Variants in PLXNA2 observed in about 807,000 individuals in gnomAD.
PLXNA2 encodes plexin A2.
In PLXNA2, 91 loss-of-function variants were observed where a neutral mutation model predicts 193.5. The observed-to-expected ratio is 0.47, with a 90% CI of 0.40 to 0.56. The LOEUF is 0.56. Ranked by LOEUF, PLXNA2 falls within the 20% of genes least tolerant of loss-of-function variation. The pLI is 0.00. For missense variants in PLXNA2, 1,995 were observed against 2,503.2 expected (o/e 0.80, Z 4.33); for synonymous variants, 997 against 1,027.3 (o/e 0.97, Z 0.56).
intron 13 of PLXNA2, among the ~76,000 whole-genome samples, chr1:208,055,028 A>G (rs1665381582): frequency 6.6e-6 from 1 of 152,144 alleles, no homozygotes; most frequent in Admixed American, 6.5e-5. Context: ...GTGAGTTTTA[A>G]AAAGGGGAGA....
intron 3 of PLXNA2, among the ~76,000 whole-genome samples, chr1:208,178,876 C>G (rs1380282452): frequency 6.6e-6 from 1 of 152,224 alleles, no homozygotes; most frequent in Non-Finnish European, 1.5e-5. Context: ...ACCCAGTGAT[C>G]TGTATTTTAA....
intron 4 of PLXNA2, among the ~76,000 whole-genome samples, chr1:208,120,037 G>T (rs1667756086): frequency 6.6e-6 from 1 of 152,200 alleles, no homozygotes; most frequent in African/African-American, 2.4e-5. Context: ...TTGGGGACAG[G>T]GGTCACTGGC....
At chr1:208,161,638 C>G (rs970112280) in intron 3 of PLXNA2, among the ~76,000 whole-genome samples, 2 of 152,172 alleles carry the variant, frequency 1.3e-5, no homozygotes, top group Non-Finnish European at 2.9e-5. Flanking sequence ...TTTAGCCTCT[C>G]TGAGCCTCAG....
intron 3 of PLXNA2, among the ~76,000 whole-genome samples, chr1:208,194,225 C>T (rs1258993361): frequency 6.6e-6 from 1 of 151,820 alleles, no homozygotes; most frequent in East Asian, 1.9e-4. Flanking sequence ...TCCAAGTTCA[C>T]AGTGATGGGA....
intron 26 of PLXNA2, among the ~76,000 whole-genome samples, chr1:208,035,929 G>GT (rs1051197226): frequency 1.1e-4 from 17 of 152,198 alleles, no homozygotes; most frequent in Admixed American, 2.0e-4. Context: ...AGCCTGGGAA[G>GT]TTTTTTAACA....
At chr1:208,114,664 A>C (rs1667583850) in intron 4 of PLXNA2, among the ~76,000 whole-genome samples, 1 of 152,232 alleles carries the variant, frequency 6.6e-6, no homozygotes, top group South Asian at 2.1e-4. Context: ...CTAACCATCC[A>C]AAACTTGGGC....
chr1:208,075,249 G>A (rs1394676770), intron 12 of PLXNA2, among the ~76,000 whole-genome samples: 1 of 151,868 alleles, frequency 6.6e-6, no homozygotes, highest in East Asian at 1.9e-4. Flanking sequence ...GGCGGGGGTT[G>A]TAGTGAGCCA....
chr1:208,128,126 A>G (rs147683517), intron 4 of PLXNA2, among the ~76,000 whole-genome samples: 68 of 152,296 alleles, frequency 4.5e-4, no homozygotes, highest in Middle Eastern at 6.8e-3. Context: ...AAAGGTCACA[A>G]TGATTTTTCC....
intron 2 of PLXNA2, among the ~76,000 whole-genome samples, chr1:208,213,815 AG>A (rs1178062785): frequency 2.6e-5 from 4 of 152,202 alleles, no homozygotes. Context: ...GTGGTGCTGA[AG>A]GGGTGGAGGC....
intron 22 of PLXNA2, 94 bp from the exon 23 acceptor site, chr1:208,040,152 GGAGC>G (rs1664819940): frequency 2.0e-6 from 2 of 979,164 alleles, no homozygotes; most frequent in African/African-American, 3.2e-5. Context: ...AGAGAACAAT[GGAGC>G]ATGGGAGAAC....
chr1:208,110,874 C>G (rs942397900), intron 4 of PLXNA2, among the ~76,000 whole-genome samples: 38 of 152,182 alleles, frequency 2.5e-4, no homozygotes, highest in African/African-American at 8.9e-4. Flanking sequence ...GCTTCCTAGT[C>G]AAGCTGCTGG....
chr1:208,161,422 C>T (rs1669101613), intron 3 of PLXNA2, among the ~76,000 whole-genome samples: 1 of 152,238 alleles, frequency 6.6e-6, no homozygotes, highest in African/African-American at 2.4e-5. Flanking sequence ...ATGAAGCTCC[C>T]TCCAGCCTCT....
chr1:208,107,880 G>A (rs1667325170), intron 4 of PLXNA2, among the ~76,000 whole-genome samples: 1 of 152,042 alleles, frequency 6.6e-6, no homozygotes, highest in Non-Finnish European at 1.5e-5. Context: ...GACCCGCAGT[G>A]CTGCTTCAAA....
chr1:208,174,692 C>T (rs1669607013), intron 3 of PLXNA2, among the ~76,000 whole-genome samples: 1 of 152,168 alleles, frequency 6.6e-6, no homozygotes, highest in South Asian at 2.1e-4. Flanking sequence ...CACTTCTGCT[C>T]AAGGCTCAGC....
At chr1:208,121,360 T>C (rs1298728815) in intron 4 of PLXNA2, among the ~76,000 whole-genome samples, 1 of 152,140 alleles carries the variant, frequency 6.6e-6, no homozygotes, top group Non-Finnish European at 1.5e-5. Flanking sequence ...AGGTTTCCAC[T>C]CAAGAATTCT....
At position 208,038,681 on chromosome 1, in the gene PLXNA2, G is replaced by A; in HGVS notation, c.4660+144C>T. 3 of 903,022 alleles carry A rather than the reference G, an allele frequency of 3.3e-6. No homozygotes were observed. Among genetic ancestry groups the A allele is most frequent in the Non-Finnish European group, 5.2e-6 (3 of 572,002 alleles). 55.9% of individuals were successfully genotyped at this position (903,022 alleles called of 1,614,324 possible). On this transcript the variant is annotated intron_variant, in intron 25 of 31. Transcript: ENST00000367033. This position sits in a 1 kb window ranked among gnomAD's most constrained non-coding sequence, Gnocchi z 4.1. ...CCCCAGAGACAGCCACATCTGAACA[G>A]GCAGCGCTCAAAGCGGGAAGCATTT...
intron 2 of PLXNA2, among the ~76,000 whole-genome samples, chr1:208,211,941 C>T (rs1241293929): frequency 1.3e-5 from 2 of 152,194 alleles, no homozygotes; most frequent in African/African-American, 4.8e-5. Flanking sequence ...GCATTCTGTA[C>T]ACAGTGCTCA....
intron 26 of PLXNA2, among the ~76,000 whole-genome samples, chr1:208,035,564 A>G (rs745406150): frequency 2.6e-5 from 4 of 152,180 alleles, no homozygotes; most frequent in Non-Finnish European, 5.9e-5. Context: ...GGCCATTTTG[A>G]TTTAAGATTG....
chr1:208,053,522 G>A (rs1259096995), intron 14 of PLXNA2, among the ~76,000 whole-genome samples: 3 of 152,182 alleles, frequency 2.0e-5, no homozygotes, highest in Non-Finnish European at 4.4e-5. Context: ...AAGATAAGAA[G>A]GCAGAGGCTA....
Sources: gnomAD v4.1 joint callset for allele counts (sites outside exome capture counted in the v4.1 genomes callset) on GRCh38, gnomAD v4.1.1 for gene constraint, Gnocchi (gnomAD v3.1) non-coding constraint, MANE v1.5 for transcripts, NCBI Gene and HGNC (gene_info 2026-07-23, HGNC 2026-07-21) for gene names.